CIBAR2: variants seen among roughly 807,000 people sequenced by gnomAD.
CIBAR2 encodes the protein CBY1-interacting BAR domain-containing protein 2.
A neutral mutation model predicts 36.2 loss-of-function variants in CIBAR2; 38 were observed. That is an observed-to-expected ratio of 1.05 (90% confidence interval 0.81 to 1.38). CIBAR2 has a LOEUF of 1.38. CIBAR2 is among the 40% of genes most tolerant of loss of function. The pLI is 0.00. For missense variants in CIBAR2, 481 were observed against 383.4 expected (o/e 1.25, Z -2.13); for synonymous variants, 182 against 149.5 (o/e 1.22, Z -1.58).
intron 6 of CIBAR2, among the ~76,000 whole-genome samples, chr16:85,103,503 A>G (rs1401213496): frequency 1.3e-5 from 2 of 152,202 alleles, no homozygotes; most frequent in African/African-American, 4.8e-5. Flanking sequence ...ATTTAATCCC[A>G]GAACTTGAAA....
intron 8 of CIBAR2, among the ~76,000 whole-genome samples, chr16:85,099,723 A>C (rs2073939500): frequency 6.7e-6 from 1 of 150,212 alleles, no homozygotes; most frequent in African/African-American, 2.5e-5. Context: ...TCCTGGGCTC[A>C]AGCGATTCTC....
intron 6 of CIBAR2, among the ~76,000 whole-genome samples, chr16:85,103,360 A>G (rs1043091436): frequency 3.9e-5 from 6 of 152,206 alleles, no homozygotes; most frequent in African/African-American, 1.4e-4. Flanking sequence ...TAAATCACCC[A>G]GCTTAAAGTG....
chr16:85,098,892 C>A lies in CIBAR2; in HGVS notation c.*293G>T. Reference sequence around the variant, plus strand: ...GCACAGAGAGGCTAGGAGACTTTCCCAAGGTCACACCGCCGGGAGCAGTGG... The same window carrying A: ...GCACAGAGAGGCTAGGAGACTTTCCAAAGGTCACACCGCCGGGAGCAGTGG... On this transcript the variant is annotated 3_prime_UTR_variant, in exon 9 of 9. Transcript: ENST00000539556. 1 of 266,516 alleles carries A rather than the reference C, an allele frequency of 3.8e-6. No homozygotes were observed. The highest frequency in any genetic ancestry group is 6.7e-6 in the Non-Finnish European group (1 of 149,084). The allele number at this position is 266,516 out of a possible 1,614,324, so 16.5% of individuals were successfully genotyped here.
rs2073932560 is a variant in CIBAR2, at chr16:85,098,977, A to G, written c.*208T>C. ...CAATCAAAACTTCAGGAAACATTGG[A>G]TACACTCACAGAAATGCAAAATGCT... On this transcript the variant is annotated 3_prime_UTR_variant, in exon 9 of 9. Transcript: ENST00000539556. The G allele has an allele frequency of 1.9e-6, 1 of 525,824 alleles. No individual in the cohort carries two copies. The highest frequency in any genetic ancestry group is 3.1e-6 in the Non-Finnish European group (1 of 326,530). The allele number at this position is 525,824 out of a possible 1,614,324, so 32.6% of individuals were successfully genotyped here.
At chr16:85,104,822 A>C (rs1022973918) in intron 6 of CIBAR2, among the ~76,000 whole-genome samples, 1 of 152,218 alleles carries the variant, frequency 6.6e-6, no homozygotes, top group African/African-American at 2.4e-5. Context: ...AGCTAGTACC[A>C]AAAGACCCCG....
chr16:85,104,514 C>G (rs1211929783), intron 6 of CIBAR2, among the ~76,000 whole-genome samples: 1 of 152,124 alleles, frequency 6.6e-6, no homozygotes, highest in Admixed American at 6.5e-5. Context: ...TCGAGACCAG[C>G]CTGGCCAACA....
rs541987777 is a variant in CIBAR2 at position 85,105,348 on chromosome 16, C to T, written c.516G>A (p.Arg172=). 163 of 1,613,222 alleles carry T rather than the reference C, an allele frequency of 1.0e-4. 5 individuals carry two copies. The highest frequency in any genetic ancestry group is 8.7e-4 in the South Asian group (79 of 91,062). The change falls in exon 6 of 9, where the codon AGG becomes AGA. Residue 172 remains arginine, a synonymous_variant. Coordinates refer to ENST00000539556, the MANE Select transcript of CIBAR2 (RefSeq NM_198491.3). ...QLEETVDGFQ[R]QKLKDLQKFF... is the part of the protein sequence containing the mutation. Reference sequence around the variant, plus strand: ...TCACCTGCAGGTCCTTGAGCTTCTGCCTCTGGAAGCCATCCACAGTCTCCT... The same window carrying T: ...TCACCTGCAGGTCCTTGAGCTTCTGTCTCTGGAAGCCATCCACAGTCTCCT...
At position 85,102,236 on chromosome 16, in the gene CIBAR2, T is replaced by C. The variant is rs2073961090; in HGVS notation, c.629A>G (p.Tyr210Cys). 6.2e-6 allele frequency: 10 copies of C among 1,606,480 alleles called. No homozygotes were observed. The highest frequency in any genetic ancestry group is 8.5e-6 in the Non-Finnish European group (10 of 1,172,976). The change falls in exon 7 of 9, where the codon TAT becomes TGT. Residue 210 changes from tyrosine (Y) to cysteine (C), a missense_variant. Coordinates refer to ENST00000539556, the MANE Select transcript of CIBAR2 (RefSeq NM_198491.3). ...CACCAGTAGATCCCTCTCCAGGTCATACTTCTCCAGGGTCTGGAAGGCGCT... is the reference window on the plus strand; with the variant it reads ...CACCAGTAGATCCCTCTCCAGGTCACACTTCTCCAGGGTCTGGAAGGCGCT... ...YSSAFQTLEK[Y>C]DLERDLLDFR...
intron 2 of CIBAR2, among the ~76,000 whole-genome samples, chr16:85,109,933 C>G (rs1428482833): frequency 6.6e-6 from 1 of 152,210 alleles, no homozygotes; most frequent in Non-Finnish European, 1.5e-5. Context: ...CCGAGGCCCT[C>G]ATAGGCCTTG....
chr16:85,110,912 C>T lies in CIBAR2; in HGVS notation c.21-452G>A, dbSNP rs570448428. ...TAGAGACAGGGTTTCACCATGTTGG[C>T]CAGGCTGGTCTTGAACTCCTGACCT... is the stretch of plus-strand genomic sequence containing the variant. On this transcript the variant is annotated intron_variant, in intron 1 of 8. Coordinates refer to ENST00000539556, the MANE Select transcript of CIBAR2 (RefSeq NM_198491.3). Among the ~76,000 whole-genome samples, 393 of 152,160 alleles carry T rather than the reference C, an allele frequency of 2.6e-3. 2 individuals carry two copies. Among genetic ancestry groups the T allele is most frequent in the African/African-American group, 9.4e-3 (389 of 41,494 alleles).
Position 85,108,053 on chromosome 16 carries a change from C to T in CIBAR2, c.302G>A (p.Gly101Glu). 2.5e-6 allele frequency: 4 copies of T among 1,613,648 alleles called. No homozygotes were observed. Among genetic ancestry groups the T allele is most frequent in the Non-Finnish European group, 3.4e-6 (4 of 1,179,712 alleles). The change falls in exon 3 of 9, where the codon GGG becomes GAG. Residue 101 changes from glycine (G) to glutamate (E), a missense_variant. Transcript: ENST00000539556. ...TKVVNPLKLY[G>E]AQIKQTRAEI... Reference sequence around the variant, plus strand: ...CACCCGTGTCTGCTTGATCTGTGCCCCGTAGAGCTTCAGGGGGTTGACCAC... The same window carrying T: ...CACCCGTGTCTGCTTGATCTGTGCCTCGTAGAGCTTCAGGGGGTTGACCAC...
chr16:85,107,809 C>A (rs1433463936), intron 4 of CIBAR2, 37 bp downstream of exon 4: 5 of 1,589,746 alleles, frequency 3.1e-6, no homozygotes, highest in Non-Finnish European at 4.3e-6. Flanking sequence ...GACACCCTGG[C>A]CCGGCAGCCC....
chr16:85,103,827 T>C (rs2073973789), intron 6 of CIBAR2, among the ~76,000 whole-genome samples: 2 of 152,184 alleles, frequency 1.3e-5, no homozygotes, highest in Non-Finnish European at 2.9e-5. Flanking sequence ...GGCACTGACA[T>C]GCAGTGTGTC....
At chr16:85,108,211 G>T (rs549068148) in intron 2 of CIBAR2, 112 bp from the exon 3 acceptor site, 6 of 1,007,088 alleles carry the variant, frequency 6.0e-6, no homozygotes, top group Admixed American at 5.2e-5. Flanking sequence ...GCTGTGCGGC[G>T]GGAGGTGGAG....
intron 1 of CIBAR2, among the ~76,000 whole-genome samples, chr16:85,111,028 A>C (rs1202653382): frequency 6.6e-6 from 1 of 151,882 alleles, no homozygotes; most frequent in East Asian, 1.9e-4. Context: ...AAGGGCTCCC[A>C]ATCCGGCGCC....
In CIBAR2 at chr16:85,107,552, G is replaced by C. The variant is rs528662926; in HGVS notation, c.432+115C>G. ...TACCTTTGGCTTTCCCAACCTGAGC[G>C]CAAGGTCCTGCACACACCTGCTTCA... On this transcript the variant is annotated intron_variant, in intron 5 of 8. Coordinates refer to ENST00000539556, the MANE Select transcript of CIBAR2 (RefSeq NM_198491.3). 3.7e-5 allele frequency: 44 copies of C among 1,174,088 alleles called. No homozygotes were observed. In the African/African-American group the frequency reaches 5.9e-4, roughly 16 times the overall value. 72.7% of individuals were successfully genotyped at this position (1,174,088 alleles called of 1,614,324 possible). A position where few individuals can be genotyped will look rare whatever the true frequency, so the allele number is the denominator to read the frequency against.
At chr16:85,103,065 C>T (rs2073968436) in intron 6 of CIBAR2, among the ~76,000 whole-genome samples, 1 of 152,100 alleles carries the variant, frequency 6.6e-6, no homozygotes, top group Non-Finnish European at 1.5e-5. Flanking sequence ...CCACGCCTGG[C>T]TAATTTTTGT....
chr16:85,105,342 C>A lies in CIBAR2; in HGVS notation c.522G>T (p.Lys174Asn). The A allele has an allele frequency of 6.2e-7, 1 of 1,612,734 alleles. No individual in the cohort carries two copies. Among genetic ancestry groups the A allele is most frequent in the Non-Finnish European group, 8.5e-7 (1 of 1,179,478 alleles). The change falls in exon 6 of 9, where the codon AAG (lysine) becomes AAT (asparagine). Residue 174 changes from lysine (K) to asparagine (N), a missense_variant. Lys to Asn is a moderately conservative substitution (Grantham distance 94). Transcript: ENST00000539556. ...EETVDGFQRQKLKDLQKFFCD... is the reference protein window; with the variant it reads ...EETVDGFQRQNLKDLQKFFCD... Reference sequence around the variant, plus strand: ...CCACCCTCACCTGCAGGTCCTTGAGCTTCTGCCTCTGGAAGCCATCCACAG... The same window carrying A: ...CCACCCTCACCTGCAGGTCCTTGAGATTCTGCCTCTGGAAGCCATCCACAG...
rs2074038060 is a variant in CIBAR2, at chr16:85,110,958, G to A, written c.21-498C>T. 3.9e-5 allele frequency among the ~76,000 whole-genome samples: 6 copies of A among 152,044 alleles called. No individual in the cohort carries two copies. In the South Asian group the frequency reaches 1.0e-3, roughly 26 times the overall value. On this transcript the variant is annotated intron_variant, in intron 1 of 8. Coordinates refer to ENST00000539556, the MANE Select transcript of CIBAR2 (RefSeq NM_198491.3). ...GACCTCAGGTGATCTGCCTGCCTTGGCCTCCCAAAGTGCTGGGATGACAGG... is the reference window on the plus strand; with the variant it reads ...GACCTCAGGTGATCTGCCTGCCTTGACCTCCCAAAGTGCTGGGATGACAGG...
Sources: gnomAD v4.1 joint callset for allele counts (sites outside exome capture counted in the v4.1 genomes callset) on GRCh38, gnomAD v4.1.1 for gene constraint, MANE v1.5 for transcripts, NCBI Gene and HGNC (gene_info 2026-07-23, HGNC 2026-07-21) for gene names.